Variants in KCNH7 observed in about 807,000 individuals in gnomAD.
The protein encoded by KCNH7 is potassium voltage-gated channel subfamily H member 7.
A neutral mutation model predicts 120.8 loss-of-function variants in KCNH7; 49 were observed. The observed-to-expected ratio is 0.41, with a 90% CI of 0.32 to 0.51. The LOEUF is 0.51. Among genes scored for constraint, KCNH7 ranks in the 20% least tolerant of loss-of-function variants. The pLI is 0.38. For missense variants in KCNH7, 1,097 were observed against 1,446.6 expected, an observed-to-expected ratio of 0.76 and a Z score of 3.92; for synonymous variants, 547 against 516.1, an observed-to-expected ratio of 1.06 and a Z score of -0.81.
chr2:162,499,920 A>C (rs1010695847), intron 6 of KCNH7, among the ~76,000 whole-genome samples: 4 of 151,916 alleles, frequency 2.6e-5, no homozygotes, highest in Non-Finnish European at 5.9e-5. Flanking sequence ...ACACTATCCC[A>C]AACTCCCAAT....
intron 2 of KCNH7, among the ~76,000 whole-genome samples, chr2:162,678,665 T>C (rs1239895071): frequency 6.6e-6 from 1 of 151,432 alleles, no homozygotes; most frequent in African/African-American, 2.4e-5. Context: ...TCCATGAGAG[T>C]AAGAAACTTC....
intron 6 of KCNH7, among the ~76,000 whole-genome samples, 193 bp downstream of exon 6, chr2:162,504,248 AAT>A (rs1245363894): frequency 1.3e-5 from 2 of 152,070 alleles, no homozygotes; most frequent in African/African-American, 2.4e-5. Context: ...TTAGTCTTGT[AAT>A]ATATAAAATC....
chr2:162,468,148 G>A (rs114730235), intron 6 of KCNH7, among the ~76,000 whole-genome samples: 30 of 152,156 alleles, frequency 2.0e-4, no homozygotes, highest in African/African-American at 7.2e-4. Flanking sequence ...CCTGGCACTG[G>A]TGGGCTCAGC....
chr2:162,758,459 T>TACAC (rs958313227), intron 2 of KCNH7, among the ~76,000 whole-genome samples: 1 of 152,022 alleles, frequency 6.6e-6, no homozygotes, highest in African/African-American at 2.4e-5. Flanking sequence ...TGTTTATATG[T>TACAC]ACACACACAT....
intron 2 of KCNH7, among the ~76,000 whole-genome samples, chr2:162,639,998 G>A (rs917281477): frequency 2.0e-5 from 3 of 152,042 alleles, no homozygotes; most frequent in African/African-American, 7.2e-5. Context: ...TAACAAAAAT[G>A]TATAGCACCT....
intron 2 of KCNH7, among the ~76,000 whole-genome samples, chr2:162,718,240 C>A (rs1332358706): frequency 1.3e-5 from 2 of 151,710 alleles, no homozygotes; most frequent in African/African-American, 4.8e-5. Flanking sequence ...GGTGGTATGG[C>A]CATATACATT....
intron 2 of KCNH7, among the ~76,000 whole-genome samples, chr2:162,721,816 CTTTA>C (rs1368848203): frequency 2.0e-5 from 3 of 151,714 alleles, no homozygotes; most frequent in Non-Finnish European, 4.4e-5. Context: ...ATCTGATTAT[CTTTA>C]TTTAAAAAAG....
At chr2:162,608,658 A>C (rs537109296) in intron 2 of KCNH7, among the ~76,000 whole-genome samples, 3 of 152,288 alleles carry the variant, frequency 2.0e-5, no homozygotes, top group Admixed American at 2.0e-4. Flanking sequence ...GCATTCTTCC[A>C]ACTCTGCCTT....
intron 2 of KCNH7, among the ~76,000 whole-genome samples, chr2:162,832,082 G>C (rs1051500553): frequency 2.0e-5 from 3 of 152,122 alleles, no homozygotes; most frequent in African/African-American, 4.8e-5. Context: ...GGGCACATAA[G>C]AGAAAATGAA....
intron 2 of KCNH7, among the ~76,000 whole-genome samples, chr2:162,685,458 G>C (rs527683528): frequency 6.6e-6 from 1 of 151,650 alleles, no homozygotes; most frequent in Non-Finnish European, 1.5e-5. Context: ...ATAAAATCCC[G>C]ACTGAATATA....
intron 2 of KCNH7, among the ~76,000 whole-genome samples, chr2:162,560,506 A>G (rs1451506121): frequency 6.6e-6 from 1 of 152,192 alleles, no homozygotes; most frequent in African/African-American, 2.4e-5. Context: ...GCTGGCATCC[A>G]GGGTTAAAAA....
At chr2:162,484,027 C>T (rs1690012369) in intron 6 of KCNH7, among the ~76,000 whole-genome samples, 1 of 152,108 alleles carries the variant, frequency 6.6e-6, no homozygotes, top group South Asian at 2.1e-4. Context: ...GGGTTCCAGT[C>T]TTGGGTGTGC....
intron 2 of KCNH7, among the ~76,000 whole-genome samples, chr2:162,748,868 T>TCCCCCC (rs1472505556): frequency 3.3e-5 from 1 of 30,208 alleles, no homozygotes; most frequent in South Asian, 1.7e-3. Context: ...TTCCCTCCCC[T>TCCCCCC]CCCCCTTCCC....
At chr2:162,830,760 C>A (rs1685451195) in intron 2 of KCNH7, among the ~76,000 whole-genome samples, 1 of 152,138 alleles carries the variant, frequency 6.6e-6, no homozygotes, top group African/African-American at 2.4e-5. Flanking sequence ...CTGACTGCCC[C>A]TTTTAGCCTT....
At chr2:162,721,360 C>T (rs1687320550) in intron 2 of KCNH7, among the ~76,000 whole-genome samples, 1 of 152,082 alleles carries the variant, frequency 6.6e-6, no homozygotes, top group Non-Finnish European at 1.5e-5. Flanking sequence ...AATGCCACTA[C>T]ATATGTGGAA....
intron 2 of KCNH7, among the ~76,000 whole-genome samples, chr2:162,652,970 G>A (rs61042730): frequency 0.25 from 37,233 of 151,914 alleles, 7,126 homozygotes; most frequent in African/African-American, 0.52. Context: ...ACCATTGAGC[G>A]GTAAGGCCTT....
intron 2 of KCNH7, among the ~76,000 whole-genome samples, chr2:162,732,673 T>TAGACA (rs1351589029): frequency 3.0e-4 from 45 of 152,172 alleles, no homozygotes; most frequent in African/African-American, 9.6e-4. Flanking sequence ...AATAGTAAAA[T>TAGACA]TATAATTGTT....
intron 2 of KCNH7, among the ~76,000 whole-genome samples, chr2:162,590,348 A>G (rs1180730115): frequency 1.3e-5 from 2 of 152,072 alleles, no homozygotes; most frequent in East Asian, 3.9e-4. Flanking sequence ...ATCACTGCAA[A>G]CAGGAAAGAG....
intron 2 of KCNH7, among the ~76,000 whole-genome samples, chr2:162,770,178 T>G (rs1259205637): frequency 6.6e-6 from 1 of 151,932 alleles, no homozygotes; most frequent in Non-Finnish European, 1.5e-5. Context: ...AATCCACTCA[T>G]CCCTTTACTT....
Sources: allele counts gnomAD v4.1 joint callset (sites outside exome capture counted in the v4.1 genomes callset), GRCh38; gene constraint gnomAD v4.1.1; transcripts MANE v1.5; gene names NCBI Gene and HGNC (gene_info 2026-07-23, HGNC 2026-07-21).